The following AP3B1 variants were observed in gnomAD, a reference collection of about 807,000 sequenced individuals.
The protein encoded by AP3B1 is adaptor related protein complex 3 subunit beta 1, also known as AP-3 complex subunit beta-1.
Under a neutral mutation model 132.5 loss-of-function variants are expected in AP3B1, and 61 were observed. The observed-to-expected ratio is 0.46, with a 90% CI of 0.37 to 0.57. AP3B1 has a LOEUF of 0.57. AP3B1 is among the 20% of genes least tolerant of loss of function. The pLI is 0.00. For missense variants in AP3B1, 1,120 were observed against 1,289.4 expected, an observed-to-expected ratio of 0.87 and a Z score of 2.01; for synonymous variants, 388 against 438.3, an observed-to-expected ratio of 0.89 and a Z score of 1.43.
intron 13 of AP3B1, among the ~76,000 whole-genome samples, chr5:78,160,225 C>G (rs899718023): frequency 1.3e-4 from 20 of 152,098 alleles, no homozygotes; most frequent in African/African-American, 4.3e-4. Flanking sequence ...TTAAACATCT[C>G]AACTGATTTA....
At chr5:78,193,770 A>ATATATATATATATTTTTTT in intron 7 of AP3B1, among the ~76,000 whole-genome samples, 100 of 67,134 alleles carry the variant, frequency 1.5e-3, no homozygotes, top group Non-Finnish European at 2.8e-3. Context: ...ATATATATAT[A>ATATATATATATATTTTTTT]TTTTTTTTTT....
chr5:78,062,465 G>T (rs1365847854), intron 22 of AP3B1, among the ~76,000 whole-genome samples: 1 of 152,148 alleles, frequency 6.6e-6, no homozygotes, highest in East Asian at 1.9e-4. Context: ...TTATCTAAAA[G>T]ACCTAAAGTT....
chr5:78,195,425 T>C (rs1228677701), intron 7 of AP3B1, among the ~76,000 whole-genome samples: 4 of 152,294 alleles, frequency 2.6e-5, no homozygotes, highest in African/African-American at 9.6e-5. Flanking sequence ...AGAGAAAGCC[T>C]AGAAACAGAC....
At chr5:78,006,676 C>A (rs189551159) in intron 26 of AP3B1, among the ~76,000 whole-genome samples, 3 of 152,090 alleles carry the variant, frequency 2.0e-5, no homozygotes, top group Non-Finnish European at 4.4e-5. Flanking sequence ...CAAATAAGTG[C>A]GATGACAGTT....
At chr5:78,184,543 C>A (rs968886796) in intron 7 of AP3B1, among the ~76,000 whole-genome samples, 2 of 151,002 alleles carry the variant, frequency 1.3e-5, no homozygotes, top group Non-Finnish European at 2.9e-5. Context: ...AAAAAAGTAG[C>A]CAGGCATGGT....
Position 78,294,552 on chromosome 5 carries a change from C to G in AP3B1, c.28G>C (p.Glu10Gln). The G allele has an allele frequency of 1.9e-6, 3 of 1,614,234 alleles. No individual in the cohort carries two copies. The highest frequency in any genetic ancestry group is 2.5e-6 in the Non-Finnish European group (3 of 1,180,046). The change falls in exon 1 of 27, where the codon GAG becomes CAG. Residue 10 changes from glutamate to glutamine, a missense_variant. Glu to Gln is a conservative substitution (Grantham distance 29). Around this residue, in one of 3 missense-constraint regions of AP3B1, gnomAD observed 85 missense variants for 79.9 expected, o/e 1.06. Transcript: ENST00000255194. MSSNSFPYN[E>Q]QSGGGEATEL... Reference sequence around the variant, plus strand: ...GTCGCCTCCCCTCCTCCGGACTGCTCATTGTAAGGAAAACTATTGCTGGAC... The same window carrying G: ...GTCGCCTCCCCTCCTCCGGACTGCTGATTGTAAGGAAAACTATTGCTGGAC...
At chr5:78,159,909 T>A (rs1262795908) in intron 13 of AP3B1, among the ~76,000 whole-genome samples, 2 of 152,186 alleles carry the variant, frequency 1.3e-5, no homozygotes, top group Non-Finnish European at 2.9e-5. Context: ...TTCCTCCTTG[T>A]CCTCAACAAA....
At chr5:78,278,403 T>C (rs1748878859) in intron 1 of AP3B1, among the ~76,000 whole-genome samples, 1 of 91,912 alleles carries the variant, frequency 1.1e-5, no homozygotes, top group South Asian at 3.6e-4. Flanking sequence ...ATCGAGACCA[T>C]CCCGGCTAAA....
At chr5:78,029,761 C>T (rs1029426284) in intron 24 of AP3B1, among the ~76,000 whole-genome samples, 1 of 152,170 alleles carries the variant, frequency 6.6e-6, no homozygotes, top group African/African-American at 2.4e-5. Flanking sequence ...CTTGGCCTTC[C>T]AAAGAGCTGG....
intron 20 of AP3B1, among the ~76,000 whole-genome samples, chr5:78,108,500 A>C (rs1751436732): frequency 6.6e-6 from 1 of 152,218 alleles, no homozygotes; most frequent in South Asian, 2.1e-4. Context: ...CTGTATGCCT[A>C]TTATAGATGG....
chr5:78,141,222 C>T lies in AP3B1; in HGVS notation c.1571G>A (p.Ser524Asn), dbSNP rs377659889. The T allele has an allele frequency of 1.2e-6, 2 of 1,613,674 alleles. No homozygotes were observed. Among genetic ancestry groups the T allele is most frequent in the Non-Finnish European group, 1.7e-6 (2 of 1,179,646 alleles). ...TACCAGATCATCTTCACTAGTGAAG[C>T]TTTTAGCCATCTTCCTCAAAACATC... ...APDVLRKMAKSFTSEDDLVKL... is the reference protein window; with the variant it reads ...APDVLRKMAKNFTSEDDLVKL... The change falls in exon 15 of 27, where the codon AGC becomes AAC. Residue 524 changes from serine (S) to asparagine (N), a missense_variant. Ser to Asn is a conservative substitution (Grantham distance 46). Coordinates refer to ENST00000255194, the MANE Select transcript of AP3B1 (RefSeq NM_003664.5).
chr5:78,189,756 G>C (rs1321594890), intron 7 of AP3B1, among the ~76,000 whole-genome samples: 1 of 151,918 alleles, frequency 6.6e-6, no homozygotes, highest in Non-Finnish European at 1.5e-5. Flanking sequence ...TATAGTCCAA[G>C]CTACTTGGGA....
intron 14 of AP3B1, among the ~76,000 whole-genome samples, chr5:78,150,563 G>C (rs1400291961): frequency 2.6e-5 from 4 of 152,116 alleles, no homozygotes; most frequent in African/African-American, 9.7e-5. Flanking sequence ...AAGATAGAAT[G>C]ACAAACACAT....
chr5:78,164,789 A>G lies in AP3B1; in HGVS notation c.1230+821T>C, dbSNP rs576629360. ...AAAAGTTTAAAAATCACATAGCTAA[A>G]AAGAAATCGTGTATACAGTGTCTTA... On this transcript the variant is annotated intron_variant, in intron 12 of 26. Transcript: ENST00000255194. 7.9e-5 allele frequency among the ~76,000 whole-genome samples: 12 copies of G among 152,278 alleles called. No individual in the cohort carries two copies. The South Asian group carries it at 2.5e-3, about 32-fold the overall frequency.
chr5:78,014,017 G>T (rs1183051472), intron 26 of AP3B1, among the ~76,000 whole-genome samples: 1 of 152,114 alleles, frequency 6.6e-6, no homozygotes, highest in East Asian at 1.9e-4. Flanking sequence ...CAAAAAATTA[G>T]CCGGGCGTGG....
At chr5:78,146,844 ACTGGT>A (rs1753420470) in intron 14 of AP3B1, among the ~76,000 whole-genome samples, 1 of 152,104 alleles carries the variant, frequency 6.6e-6, no homozygotes, top group African/African-American at 2.4e-5. Context: ...TTACTTTACA[ACTGGT>A]CTGGTACCCT....
intron 1 of AP3B1, among the ~76,000 whole-genome samples, chr5:78,285,269 A>T (rs991601737): frequency 3.3e-5 from 5 of 151,600 alleles, no homozygotes; most frequent in African/African-American, 1.2e-4. Flanking sequence ...AAAAATACTA[A>T]CCACAATTCT....
At chr5:78,225,999 T>A (rs1312079012) in intron 5 of AP3B1, among the ~76,000 whole-genome samples, 1 of 151,950 alleles carries the variant, frequency 6.6e-6, no homozygotes, top group East Asian at 1.9e-4. Context: ...CAAAAACAAA[T>A]ATGGAGAATT....
chr5:78,055,067 A>G (rs1748751312), intron 22 of AP3B1, among the ~76,000 whole-genome samples: 1 of 151,690 alleles, frequency 6.6e-6, no homozygotes, highest in African/African-American at 2.4e-5. Context: ...ACTTACTTAT[A>G]TAAACATTAT....
Sources: allele counts gnomAD v4.1 joint callset (sites outside exome capture counted in the v4.1 genomes callset), GRCh38; gene constraint gnomAD v4.1.1; regional missense constraint gnomAD v4.1.1; transcripts MANE v1.5; gene names NCBI Gene and HGNC (gene_info 2026-07-23, HGNC 2026-07-21).